The following CAPN11 variants were observed in gnomAD, a reference collection of about 807,000 sequenced individuals.
The protein encoded by CAPN11 is calpain-11.
Under a neutral mutation model 105.3 loss-of-function variants are expected in CAPN11, and 108 were observed. That is an observed-to-expected ratio of 1.03 (90% CI 0.88 to 1.20). The LOEUF is 1.20. Among genes scored for constraint, CAPN11 ranks in the 50% most tolerant of loss-of-function variants. CAPN11 has a pLI of 0.00. For missense variants in CAPN11, 883 were observed against 924.8 expected, an observed-to-expected ratio of 0.95 and a Z score of 0.59; for synonymous variants, 329 against 344.5, an observed-to-expected ratio of 0.96 and a Z score of 0.50.
intron 7 of CAPN11, among the ~76,000 whole-genome samples, chr6:44,174,112 G>T (rs1366929495): frequency 1.3e-5 from 2 of 152,106 alleles, no homozygotes; most frequent in African/African-American, 4.8e-5. Flanking sequence ...CAAAATACAT[G>T]AACCCAGGGT....
chr6:44,179,368 G>A (rs999658346), intron 12 of CAPN11, among the ~76,000 whole-genome samples: 14 of 150,356 alleles, frequency 9.3e-5, no homozygotes, highest in East Asian at 2.0e-4. Context: ...TGACATGATC[G>A]TGACTCACTG....
At chr6:44,162,866 C>T (rs987499964) in intron 1 of CAPN11, among the ~76,000 whole-genome samples, 1 of 152,088 alleles carries the variant, frequency 6.6e-6, no homozygotes, top group Non-Finnish European at 1.5e-5. Context: ...ATGCCTAACA[C>T]GAGTTAGGGT....
In CAPN11 at chr6:44,176,307, C is replaced by A; in HGVS notation, c.970C>A (p.Arg324=). Residue 324 remains arginine, a synonymous_variant, in exon 9 of 23, where the codon CGG becomes AGG. Coordinates refer to ENST00000398776, the MANE Select transcript of CAPN11 (RefSeq NM_007058.4). ...GATTCGGGTCCGGAATCCCTGGGGC[C>A]GGATTGAGTGGAATGGAGCTTGGAG... ...TLIRVRNPWG[R]IEWNGAWSDS... 6.2e-7 allele frequency: 1 copy of A among 1,613,880 alleles called. No individual in the cohort carries two copies. The highest frequency in any genetic ancestry group is 8.5e-7 in the Non-Finnish European group (1 of 1,179,874).
rs779398250 is a variant in CAPN11, at chr6:44,183,937, G to A, written c.*5G>A. 37 of 1,553,854 alleles carry A rather than the reference G, an allele frequency of 2.4e-5. No individual in the cohort carries two copies. The highest frequency in any genetic ancestry group is 9.7e-5 in the East Asian group (4 of 41,182). ...CAGATGACCATGTGGGGATAGAGGC[G>A]CTGTAGGAGCCTGGTCATCTCTACC... On this transcript the variant is annotated 3_prime_UTR_variant, in exon 23 of 23. Coordinates refer to ENST00000398776, the MANE Select transcript of CAPN11 (RefSeq NM_007058.4).
At chr6:44,176,494 C>A in intron 9 of CAPN11, 87 bp from the exon 10 acceptor site, 2 of 1,362,964 alleles carry the variant, frequency 1.5e-6, no homozygotes, top group Non-Finnish European at 2.1e-6. Context: ...AGCAGGCAGA[C>A]ATTCAGGGAA....
intron 4 of CAPN11, among the ~76,000 whole-genome samples, chr6:44,171,879 A>G (rs1771065299): frequency 6.6e-6 from 1 of 152,186 alleles, no homozygotes; most frequent in Non-Finnish European, 1.5e-5. Flanking sequence ...CAGCGTGGCC[A>G]ACATGGTGAA....
intron 8 of CAPN11, 44 bp downstream of exon 8, chr6:44,176,195 G>A (rs759819393): frequency 6.2e-7 from 1 of 1,606,846 alleles, no homozygotes; most frequent in Non-Finnish European, 8.5e-7. Context: ...CCCTGAGAAG[G>A]AGGAGAACGT....
intron 1 of CAPN11, among the ~76,000 whole-genome samples, chr6:44,164,471 C>T (rs1769452343): frequency 6.6e-6 from 1 of 152,220 alleles, no homozygotes; most frequent in East Asian, 1.9e-4. Flanking sequence ...TGGCCTCACC[C>T]TCTCCTCTTG....
chr6:44,167,057 C>T (rs999255588), intron 2 of CAPN11, among the ~76,000 whole-genome samples: 9 of 152,036 alleles, frequency 5.9e-5, no homozygotes, highest in South Asian at 2.1e-4. Context: ...CTGGCAGGCC[C>T]GGGATCCATC....
intron 1 of CAPN11, among the ~76,000 whole-genome samples, chr6:44,163,202 A>G (rs1430937804): frequency 2.0e-5 from 3 of 152,202 alleles, no homozygotes; most frequent in African/African-American, 7.2e-5. Context: ...AGGGAGGTCA[A>G]ACAACTTGCC....
chr6:44,177,454 T>G (rs1255691867), intron 12 of CAPN11, 34 bp downstream of exon 12: 1 of 1,579,538 alleles, frequency 6.3e-7, no homozygotes, highest in African/African-American at 1.3e-5. Context: ...CGCCACTCAC[T>G]CTCCCTCACC....
Position 44,176,322 on chromosome 6 carries a change from G to A in CAPN11, c.985G>A (p.Gly329Arg). The change falls in exon 9 of 23, where the codon GGA becomes AGA. Residue 329 changes from glycine to arginine, a missense_variant. Physicochemically the swap from Gly to Arg is moderately radical, Grantham distance 125. Transcript: ENST00000398776. ...TCCCTGGGGCCGGATTGAGTGGAAT[G>A]GAGCTTGGAGTGACAGGTAGGTGTC... The part of the protein sequence containing the change: ...RNPWGRIEWN[G>R]AWSDSAREWE... 1 of 1,613,848 alleles carries A rather than the reference G, an allele frequency of 6.2e-7. No individual in the cohort carries two copies. Among genetic ancestry groups the A allele is most frequent in the Non-Finnish European group, 8.5e-7 (1 of 1,179,808 alleles).
chr6:44,160,331 G>T (rs1410277786), intron 1 of CAPN11, among the ~76,000 whole-genome samples: 1 of 151,642 alleles, frequency 6.6e-6, no homozygotes, highest in African/African-American at 2.4e-5. Context: ...AGTTAAAAAC[G>T]ATCTGGCCGG....
At chr6:44,177,175 T>C in intron 11 of CAPN11, 67 bp from the exon 12 acceptor site, 1 of 1,513,398 alleles carries the variant, frequency 6.6e-7, no homozygotes, top group Non-Finnish European at 8.9e-7. Context: ...GGAAGCTCGG[T>C]CCACCCTGGG....
At chr6:44,170,117 A>G (rs1358924042) in intron 4 of CAPN11, 142 bp downstream of exon 4, 12 of 669,980 alleles carry the variant, frequency 1.8e-5, no homozygotes, top group Non-Finnish European at 2.9e-5. Flanking sequence ...CCTTCTGAGG[A>G]GATGACAGTG....
chr6:44,166,356 C>T (rs1335950414), intron 1 of CAPN11, among the ~76,000 whole-genome samples: 1 of 152,208 alleles, frequency 6.6e-6, no homozygotes, highest in Admixed American at 6.5e-5. Context: ...CCAACCCTCA[C>T]TCTGTGACCT....
chr6:44,158,833 C>G lies in CAPN11; in HGVS notation c.-16C>G, dbSNP rs779495760. The G allele has an allele frequency of 3.9e-6, 6 of 1,551,066 alleles. No individual in the cohort carries two copies. In the East Asian group the frequency reaches 1.5e-4, roughly 38 times the overall value. On this transcript the variant is annotated 5_prime_UTR_variant, in exon 1 of 23. Coordinates refer to ENST00000398776, the MANE Select transcript of CAPN11 (RefSeq NM_007058.4). ...ACCAGAACCTTCAACTGTCAAGCAC[C>G]GAGCTAGCCACCAGCATGCTGTACT...
chr6:44,177,312 G>A lies in CAPN11; in HGVS notation c.1308G>A (p.Glu436=). 1 of 1,613,796 alleles carries A rather than the reference G, an allele frequency of 6.2e-7. No homozygotes were observed. Among genetic ancestry groups the A allele is most frequent in the Non-Finnish European group, 8.5e-7 (1 of 1,179,804 alleles). The change falls in exon 12 of 23, where the codon GAG becomes GAA. Residue 436 remains glutamate, a synonymous_variant. Transcript: ENST00000398776. ...PEGDDPEDDA[E]GNVVVCTCLV... ...GGGATGACCCAGAGGATGACGCAGA[G>A]GGCAATGTTGTGGTCTGCACCTGCC...
chr6:44,164,484 A>G (rs1215005827), intron 1 of CAPN11, among the ~76,000 whole-genome samples: 1 of 152,200 alleles, frequency 6.6e-6, no homozygotes, highest in Non-Finnish European at 1.5e-5. Flanking sequence ...TCCTCTTGAG[A>G]GCTCACAGCC....
Sources: allele counts gnomAD v4.1 joint callset (sites outside exome capture counted in the v4.1 genomes callset), GRCh38; gene constraint gnomAD v4.1.1; transcripts MANE v1.5; gene names NCBI Gene and HGNC (gene_info 2026-07-23, HGNC 2026-07-21).